LHCGR: variants seen among roughly 807,000 people sequenced by gnomAD.
LHCGR encodes lutropin-choriogonadotropic hormone receptor.
A neutral mutation model predicts 60.7 loss-of-function variants in LHCGR; 55 were observed. The observed-to-expected ratio is 0.91, with a 90% confidence interval of 0.73 to 1.13. LHCGR has a LOEUF of 1.13. LHCGR is among the 50% of genes most tolerant of loss of function. The pLI is 0.00. For missense variants in LHCGR, 862 were observed against 836.0 expected, an observed-to-expected ratio of 1.03 and a Z score of -0.38; for synonymous variants, 337 against 316.5, an observed-to-expected ratio of 1.06 and a Z score of -0.69.
chr2:48,698,549 T>C (rs1667236553), intron 9 of LHCGR, 66 bp downstream of exon 9: 2 of 1,341,784 alleles, frequency 1.5e-6, no homozygotes, highest in Admixed American at 1.7e-5. Flanking sequence ...GTCTACTCAT[T>C]GACTATTTTG....
intron 10 of LHCGR, among the ~76,000 whole-genome samples, chr2:48,692,812 A>G (rs1212579231): frequency 6.6e-6 from 1 of 152,194 alleles, no homozygotes; most frequent in African/African-American, 2.4e-5. Context: ...GGTGGGAAGT[A>G]GGAGGTAGGA....
At chr2:48,697,181 C>T (rs1667157220) in intron 9 of LHCGR, among the ~76,000 whole-genome samples, 1 of 152,210 alleles carries the variant, frequency 6.6e-6, no homozygotes, top group Admixed American at 6.5e-5. Context: ...TTTTTGTCTT[C>T]ACATGAGCTA....
Position 48,698,547 on chromosome 2 carries a change from A to G in LHCGR, c.866+68T>C, listed in dbSNP as rs1667236359. ...TGAAGGGGAGTGGAGCTGTCTACTCATTGACTATTTTGAAATCTGAATTTC... is the reference window on the plus strand; with the variant it reads ...TGAAGGGGAGTGGAGCTGTCTACTCGTTGACTATTTTGAAATCTGAATTTC... On this transcript the variant is annotated intron_variant, in intron 9 of 10. Coordinates refer to ENST00000294954, the MANE Select transcript of LHCGR (RefSeq NM_000233.4). The G allele has an allele frequency of 7.6e-6, 10 of 1,321,358 alleles. No homozygotes were observed. In the East Asian group the frequency reaches 2.3e-4, roughly 30 times the overall value. The allele number at this position is 1,321,358 out of a possible 1,614,324, so 81.9% of individuals were successfully genotyped here. A position where few individuals can be genotyped will look rare whatever the true frequency, so the allele number is the denominator to read the frequency against.
At chr2:48,712,433 A>T (rs191378941) in intron 7 of LHCGR, among the ~76,000 whole-genome samples, 182 of 152,280 alleles carry the variant, frequency 1.2e-3, no homozygotes, top group African/African-American at 4.1e-3. Flanking sequence ...CCAGGAGATG[A>T]TATAAATGCC....
At chr2:48,726,793 G>A (rs1437028111) in intron 3 of LHCGR, among the ~76,000 whole-genome samples, 1 of 152,134 alleles carries the variant, frequency 6.6e-6, no homozygotes, top group East Asian at 1.9e-4. Flanking sequence ...TGTTGTTTTT[G>A]AGGAATAAAT....
At position 48,687,864 on chromosome 2, in the gene LHCGR, T is replaced by G; in HGVS notation, c.1933A>C (p.Lys645Gln). ...CTTCTATAAAGTTCAGCCCGACGTT[T>G]ACAGCAGCCAAATTTGCTCAGCAAA... ...FLLLSKFGCC[K>Q]RRAELYRRKD... The change falls in exon 11 of 11, where the codon AAA (lysine) becomes CAA (glutamine). Residue 645 changes from lysine to glutamine, a missense_variant. By Grantham distance (53) the Lys-to-Gln change is moderately conservative (BLOSUM62 1). Coordinates refer to ENST00000294954, the MANE Select transcript of LHCGR (RefSeq NM_000233.4). 1 of 1,614,186 alleles carries G rather than the reference T, an allele frequency of 6.2e-7. No individual in the cohort carries two copies. The highest frequency in any genetic ancestry group is 8.5e-7 in the Non-Finnish European group (1 of 1,180,028).
chr2:48,728,147 C>G (rs1407800277), intron 3 of LHCGR, among the ~76,000 whole-genome samples: 1 of 151,558 alleles, frequency 6.6e-6, no homozygotes, highest in Admixed American at 6.6e-5. Context: ...TATGTGTGAC[C>G]CAAGACAATT....
chr2:48,701,141 A>T (rs757731816), intron 8 of LHCGR, among the ~76,000 whole-genome samples: 1 of 152,122 alleles, frequency 6.6e-6, no homozygotes, highest in Non-Finnish European at 1.5e-5. Flanking sequence ...GAGGGGCAGG[A>T]GCTAGGAAGT....
chr2:48,725,120 G>A (rs533061551), intron 4 of LHCGR, among the ~76,000 whole-genome samples: 2 of 152,256 alleles, frequency 1.3e-5, no homozygotes, highest in East Asian at 1.9e-4. Flanking sequence ...GGCTACAGTG[G>A]TACTCAATTT....
intron 3 of LHCGR, among the ~76,000 whole-genome samples, chr2:48,726,914 C>G (rs1668760974): frequency 6.6e-6 from 1 of 152,196 alleles, no homozygotes; most frequent in Non-Finnish European, 1.5e-5. Context: ...TGAGAAGTAG[C>G]AGAACTTGGA....
Position 48,691,531 on chromosome 2 carries a change from A to G in LHCGR, c.948-2682T>C, listed in dbSNP as rs1025408688. 2.6e-5 allele frequency among the ~76,000 whole-genome samples: 4 copies of G among 152,214 alleles called. No homozygotes were observed. The East Asian group carries it at 7.7e-4, about 29-fold the overall frequency. On this transcript the variant is annotated intron_variant, in intron 10 of 10. Transcript: ENST00000294954. ...TATAAAGAACTATTAAAGAAAATAG[A>G]TCATAAATTTCTTAGCATTAGAAAG...
At chr2:48,746,332 T>C (rs992566043) in intron 1 of LHCGR, among the ~76,000 whole-genome samples, 1 of 152,250 alleles carries the variant, frequency 6.6e-6, no homozygotes, top group African/African-American at 2.4e-5. Flanking sequence ...TTAGGACAAC[T>C]GAGAGGGAGA....
chr2:48,755,475 A>T, intron 1 of LHCGR, 36 bp downstream of exon 1: 1 of 1,386,602 alleles, frequency 7.2e-7, no homozygotes. Context: ...AGGGTCCTGC[A>T]TCAAGGGCGC....
At chr2:48,706,506 C>T (rs542093916) in intron 8 of LHCGR, among the ~76,000 whole-genome samples, 1 of 152,258 alleles carries the variant, frequency 6.6e-6, no homozygotes, top group Non-Finnish European at 1.5e-5. Context: ...TTCCATTCTC[C>T]CCATCACTTT....
At chr2:48,689,885 T>C (rs1680131462) in intron 10 of LHCGR, among the ~76,000 whole-genome samples, 1 of 152,156 alleles carries the variant, frequency 6.6e-6, no homozygotes, top group African/African-American at 2.4e-5. Flanking sequence ...CAGCTAATTT[T>C]TTGCATTTTT....
chr2:48,742,193 A>C (rs1669489024), intron 1 of LHCGR, among the ~76,000 whole-genome samples: 1 of 152,026 alleles, frequency 6.6e-6, no homozygotes, highest in African/African-American at 2.4e-5. Flanking sequence ...TTCATAAAGC[A>C]AGTCCTGAGT....
At chr2:48,694,431 A>G (rs1312722002) in intron 9 of LHCGR, 127 bp from the exon 10 acceptor site, 2 of 685,470 alleles carry the variant, frequency 2.9e-6, no homozygotes, top group African/African-American at 1.8e-5. Context: ...GTTCTGCACC[A>G]TTGTCCTAAC....
At chr2:48,729,279 G>A (rs761320762) in intron 2 of LHCGR, 52 bp from the exon 3 acceptor site, 39 of 1,350,766 alleles carry the variant, frequency 2.9e-5, no homozygotes, top group Middle Eastern at 1.8e-4. Flanking sequence ...AGAAATGACC[G>A]TGTCTGCATG....
At chr2:48,715,920 C>T (rs1425220493) in intron 6 of LHCGR, among the ~76,000 whole-genome samples, 1 of 152,138 alleles carries the variant, frequency 6.6e-6, no homozygotes, top group Non-Finnish European at 1.5e-5. Context: ...CACAGAATGC[C>T]TGGTGCCTAG....
Sources: allele counts gnomAD v4.1 joint callset (sites outside exome capture counted in the v4.1 genomes callset), GRCh38; gene constraint gnomAD v4.1.1; transcripts MANE v1.5; gene names NCBI Gene and HGNC (gene_info 2026-07-23, HGNC 2026-07-21).